Variants in STARD13 observed in about 807,000 individuals in gnomAD.
STARD13 encodes the protein StAR related lipid transfer domain containing 13, also known as stAR-related lipid transfer protein 13.
In STARD13, 62 loss-of-function variants were observed where a neutral mutation model predicts 106.4. The ratio of observed to expected loss-of-function variants is 0.58; its 90% confidence interval spans 0.48 to 0.72. STARD13 has a LOEUF of 0.72. Ranked by LOEUF, STARD13 falls within the 30% of genes least tolerant of loss-of-function variation. STARD13 has a pLI of 0.00. For synonymous variants in STARD13, 565 were observed against 553.0 expected (o/e 1.02, Z -0.31); for missense variants, 1,387 against 1,424.0 (o/e 0.97, Z 0.42).
At chr13:33,128,145 A>G (rs1339265241) in intron 5 of STARD13, among the ~76,000 whole-genome samples, 2 of 151,956 alleles carry the variant, frequency 1.3e-5, no homozygotes, top group Non-Finnish European at 2.9e-5. Context: ...CAGAGGACAG[A>G]CAGAGGTAGA....
chr13:33,466,022 G>A, the STARD13 span, among the ~76,000 whole-genome samples: 5 of 151,896 alleles, frequency 3.3e-5, no homozygotes, highest in African/African-American at 4.8e-5. Flanking sequence ...TTATCTCTCC[G>A]AGCCTAGGTT....
At chr13:33,352,481 T>C (rs576598027), upstream of STARD13, among the ~76,000 whole-genome samples, 9 of 152,372 alleles carry the variant, frequency 5.9e-5, no homozygotes, top group South Asian at 1.9e-3. Context: ...CGTGGGCCCC[T>C]ACTACTTTCT....
chr13:33,415,852 G>A, the STARD13 span, among the ~76,000 whole-genome samples: 3 of 152,108 alleles, frequency 2.0e-5, no homozygotes, highest in Non-Finnish European at 2.9e-5. Flanking sequence ...TCTTACTAAC[G>A]CAATCTGTAA....
rs541232888 is a variant in STARD13 at position 33,145,391 on chromosome 13, C to T, written c.324-3018G>A. Among the ~76,000 whole-genome samples, 117 of 152,310 alleles carry T rather than the reference C, an allele frequency of 7.7e-4. 1 individual carries two copies. The South Asian group carries it at 0.019, about 25-fold the overall frequency. ...TTCAGAACTACTGAAACTTCCAAAG[C>T]GTACAGTCTCTTTGGAAAACAGTTT... On this transcript the variant is annotated intron_variant, in intron 3 of 13. Transcript: ENST00000336934.
the STARD13 span, among the ~76,000 whole-genome samples, chr13:33,533,840 T>A: frequency 2.4e-4 from 37 of 152,224 alleles, no homozygotes; most frequent in Admixed American, 1.1e-3. Flanking sequence ...GTTCAGCCCT[T>A]AACAAATGCT....
In STARD13 at chr13:33,139,651, A is replaced by G. The variant is rs180900809; in HGVS notation, c.387+2659T>C. On this transcript the variant is annotated intron_variant, in intron 4 of 13. Transcript: ENST00000336934. ...GCTGCCTTATTTTTCTTCCAAATAA[A>G]TAAATACTGAAGTTGGCTGGAGCTT... is the stretch of plus-strand genomic sequence containing the variant. 2.6e-5 allele frequency among the ~76,000 whole-genome samples: 4 copies of G among 152,360 alleles called. No individual in the cohort carries two copies. In the East Asian group the frequency reaches 7.7e-4, roughly 29 times the overall value.
the STARD13 span, among the ~76,000 whole-genome samples, chr13:33,653,166 G>A: frequency 1.2e-4 from 19 of 152,142 alleles, no homozygotes; most frequent in African/African-American, 4.3e-4. Flanking sequence ...TGCAAAAATT[G>A]AGAAGCAGAT....
At chr13:33,661,191 G>A in the STARD13 span, 6 of 152,136 alleles carry the variant, frequency 3.9e-5, no homozygotes, top group Non-Finnish European at 8.8e-5. Flanking sequence ...TCATGATAGG[G>A]GCTGAACTTG....
downstream of STARD13, among the ~76,000 whole-genome samples, chr13:33,348,368 A>C (rs1156805587): frequency 1.3e-5 from 2 of 152,244 alleles, no homozygotes; most frequent in African/African-American, 2.4e-5. Context: ...ATTCATGTGA[A>C]TATGACTTTC....
the STARD13 span, among the ~76,000 whole-genome samples, chr13:33,619,776 G>A: frequency 4.7e-4 from 71 of 152,202 alleles, no homozygotes; most frequent in Non-Finnish European, 8.4e-4. Context: ...ATGTAAATAC[G>A]TTAGAGGCCG....
rs538675311 is a variant in STARD13, at chr13:33,238,914, T to G, written c.169+46556A>C. On this transcript the variant is annotated intron_variant, in intron 1 of 13. Coordinates refer to ENST00000336934, the MANE Select transcript of STARD13 (RefSeq NM_178006.4). ...AGTGATAAAAAATAACTTCTTAATG[T>G]GTTAAGAGGTAACACATTAGTGTTT... 3.3e-5 allele frequency among the ~76,000 whole-genome samples: 5 copies of G among 152,254 alleles called. No individual in the cohort carries two copies. In the East Asian group the frequency reaches 5.8e-4, roughly 18 times the overall value.
At chr13:33,394,496 C>T in the STARD13 span, among the ~76,000 whole-genome samples, 2 of 152,162 alleles carry the variant, frequency 1.3e-5, no homozygotes, top group African/African-American at 4.8e-5. Context: ...TGCTCCAGAA[C>T]ATGAAATCAT....
At chr13:33,426,242 G>A in the STARD13 span, among the ~76,000 whole-genome samples, 1 of 152,144 alleles carries the variant, frequency 6.6e-6, no homozygotes, top group East Asian at 1.9e-4. Flanking sequence ...TTTCTACCCT[G>A]TCCTATTTTA....
chr13:33,304,881 A>T (rs1311530151), intron 1 of STARD13, among the ~76,000 whole-genome samples: 2 of 152,224 alleles, frequency 1.3e-5, no homozygotes, highest in South Asian at 2.1e-4. Context: ...TTTACTGATC[A>T]TCTACCATGG....
At chr13:33,177,402 T>C (rs534828684) in intron 1 of STARD13, among the ~76,000 whole-genome samples, 34 of 152,222 alleles carry the variant, frequency 2.2e-4, no homozygotes, top group African/African-American at 8.2e-4. Flanking sequence ...AAATCAGCCA[T>C]TTAAAAATGC....
the STARD13 span, among the ~76,000 whole-genome samples, chr13:33,560,608 C>T: frequency 6.6e-6 from 1 of 151,304 alleles, no homozygotes; most frequent in African/African-American, 2.5e-5. Context: ...TGGGTTTTGG[C>T]AGCAACAGAG....
intron 6 of STARD13, 84 bp downstream of exon 6, chr13:33,127,288 AT>A: frequency 7.1e-7 from 1 of 1,415,966 alleles, no homozygotes; most frequent in Non-Finnish European, 9.3e-7. Context: ...TTTTTCAGAT[AT>A]CACAAAGTAA....
At chr13:33,191,228 TTTTAA>T (rs1377396911) in intron 1 of STARD13, among the ~76,000 whole-genome samples, 1 of 152,238 alleles carries the variant, frequency 6.6e-6, no homozygotes, top group Non-Finnish European at 1.5e-5. Context: ...TTCTGAATGC[TTTTAA>T]TTTAATTTTT....
chr13:33,285,293 A>G (rs1350401985), intron 1 of STARD13, among the ~76,000 whole-genome samples, 177 bp downstream of exon 1: 1 of 152,162 alleles, frequency 6.6e-6, no homozygotes, highest in Non-Finnish European at 1.5e-5. Flanking sequence ...GCAGCTAAGG[A>G]CTGTCCTGTT....
Sources: allele counts gnomAD v4.1 joint callset (sites outside exome capture counted in the v4.1 genomes callset), GRCh38; gene constraint gnomAD v4.1.1; transcripts MANE v1.5; gene names NCBI Gene and HGNC (gene_info 2026-07-23, HGNC 2026-07-21).